STX4: variants seen among roughly 807,000 people sequenced by gnomAD.
STX4 encodes syntaxin-4.
A neutral mutation model predicts 41.8 loss-of-function variants in STX4; 24 were observed. The observed-to-expected ratio is 0.57, with a 90% CI of 0.42 to 0.81. The LOEUF is 0.81. Ranked by LOEUF, STX4 falls within the 30% of genes least tolerant of loss-of-function variation. The pLI, the probability that STX4 is intolerant of heterozygous loss-of-function variation, is 0.00. For missense variants in STX4, 316 were observed against 389.9 expected, an observed-to-expected ratio of 0.81 and a Z score of 1.60; for synonymous variants, 158 against 156.4, an observed-to-expected ratio of 1.01 and a Z score of -0.08.
chr16:31,033,292 T>C (rs2143711268), upstream of STX4: 1 of 717,632 alleles, frequency 1.4e-6, no homozygotes, highest in African/African-American at 1.7e-5. The surrounding 1 kb of genome is among the most constrained non-coding windows in gnomAD (Gnocchi z 5.5). Flanking sequence ...GGGACCGGGC[T>C]GGTCACGTGA....
chr16:31,034,431 T>A (rs2056784203), intron 3 of STX4, 31 bp from the exon 4 acceptor site: 1 of 1,598,820 alleles, frequency 6.3e-7, no homozygotes, highest in African/African-American at 1.3e-5. Flanking sequence ...TGGGGGCTGC[T>A]GTTTGGGAGT....
In STX4 at chr16:31,033,869, C is replaced by G. The variant is rs764458755; in HGVS notation, c.30+34C>G. 1 of 1,451,916 alleles carries G rather than the reference C, an allele frequency of 6.9e-7. No individual in the cohort carries two copies. Among genetic ancestry groups the G allele is most frequent in the African/African-American group, 1.4e-5 (1 of 69,956 alleles). The allele number at this position is 1,451,916 out of a possible 1,614,324, so 89.9% of individuals were successfully genotyped here. A position where few individuals can be genotyped will look rare whatever the true frequency, so the allele number is the denominator to read the frequency against. ...CCAGGGCAGCGGGGATGGGGACGGG[C>G]GGACGAACTGGAACGCAGGACTTCT... On this transcript the variant is annotated intron_variant, in intron 1 of 10. Coordinates refer to ENST00000313843, the MANE Select transcript of STX4 (RefSeq NM_004604.5). This position sits in a 1 kb window ranked among gnomAD's most constrained non-coding sequence, Gnocchi z 5.5.
intron 7 of STX4, 60 bp from the exon 8 acceptor site, chr16:31,038,450 G>C: frequency 1.2e-6 from 2 of 1,602,906 alleles, no homozygotes; most frequent in Non-Finnish European, 1.7e-6. Context: ...CTCAACAGGA[G>C]TTTCTGACCT....
At chr16:31,034,367 G>T (rs773455995) in intron 3 of STX4, 42 bp downstream of exon 3, 1 of 1,612,516 alleles carries the variant, frequency 6.2e-7, no homozygotes, top group African/African-American at 1.3e-5. Context: ...TCCGCCCCAG[G>T]GATTGTGGGG....
At position 31,033,707 on chromosome 16, in the gene STX4, G is replaced by GGGGGAGGGA; in HGVS notation, c.-92_-84dup. ...GCTCGTGGGGGTGTTGGGGTCCGCA[G>GGGGGAGGGA]GGGGAGGGAGGGGAGTGTCAGAGTG... is the stretch of plus-strand genomic sequence containing the variant. On this transcript the variant is annotated 5_prime_UTR_variant, in exon 1 of 11. Transcript: ENST00000313843. The surrounding 1 kb of genome is among the most constrained non-coding windows in gnomAD (Gnocchi z 5.5). 6.9e-7 allele frequency: 1 copy of GGGGGAGGGA among 1,446,614 alleles called. No homozygotes were observed. The highest frequency in any genetic ancestry group is 9.1e-7 in the Non-Finnish European group (1 of 1,101,308). 89.6% of individuals were successfully genotyped at this position (1,446,614 alleles called of 1,614,324 possible).
intron 5 of STX4, among the ~76,000 whole-genome samples, chr16:31,037,584 C>T (rs927055997): frequency 6.6e-6 from 1 of 151,184 alleles, no homozygotes; most frequent in Non-Finnish European, 1.5e-5. Flanking sequence ...TGCTTGAACC[C>T]GGGAGGCCAA....
intron 8 of STX4, 67 bp downstream of exon 8, chr16:31,038,714 C>T: frequency 1.3e-6 from 2 of 1,575,352 alleles, no homozygotes; most frequent in Non-Finnish European, 1.7e-6. Flanking sequence ...TCCCGCCACC[C>T]TTAGATTCTC....
rs1195578286 is a variant in STX4, at chr16:31,038,095, C to T, written c.488-19C>T. 2 of 1,614,080 alleles carry T rather than the reference C, an allele frequency of 1.2e-6. No homozygotes were observed. Among genetic ancestry groups the T allele is most frequent in the Admixed American group, 1.7e-5 (1 of 60,002 alleles). On this transcript the variant is annotated intron_variant, in intron 6 of 10. Coordinates refer to ENST00000313843, the MANE Select transcript of STX4 (RefSeq NM_004604.5). ...AGGTAATCCCAACCCAACCCTGAGC[C>T]TGGCCTTTTCCTTCACAGCCAATGC... is the stretch of plus-strand genomic sequence containing the variant.
chr16:31,038,723 T>G (rs1364566471), intron 8 of STX4, 76 bp downstream of exon 8: 1 of 1,560,622 alleles, frequency 6.4e-7, no homozygotes, highest in Non-Finnish European at 8.7e-7. Flanking sequence ...CCTTAGATTC[T>G]CTCCCTGAGG....
At chr16:31,034,765 G>A in intron 4 of STX4, 1 of 675,132 alleles carries the variant, frequency 1.5e-6, no homozygotes, top group African/African-American at 1.8e-5. Context: ...AGTTATCGCT[G>A]CCCACTGGGC....
chr16:31,037,710 T>TAAAA (rs766608613), intron 5 of STX4, among the ~76,000 whole-genome samples: 5 of 150,792 alleles, frequency 3.3e-5, no homozygotes, highest in South Asian at 2.1e-4. Flanking sequence ...AATAAATAAA[T>TAAAA]AAAAAAGATC....
At chr16:31,035,481 C>A (rs561436703) in intron 5 of STX4, among the ~76,000 whole-genome samples, 1 of 152,142 alleles carries the variant, frequency 6.6e-6, no homozygotes, top group Non-Finnish European at 1.5e-5. Context: ...CCTGCCTCGG[C>A]CTCCCAAAGT....
intron 5 of STX4, among the ~76,000 whole-genome samples, chr16:31,036,532 G>T (rs1456576548): frequency 6.6e-6 from 1 of 152,200 alleles, no homozygotes; most frequent in Non-Finnish European, 1.5e-5. Context: ...CTGTGTGCCA[G>T]ACCTTTTTGG....
chr16:31,037,445 A>G (rs2056809188), intron 5 of STX4, among the ~76,000 whole-genome samples: 1 of 150,926 alleles, frequency 6.6e-6, no homozygotes, highest in Non-Finnish European at 1.5e-5. Flanking sequence ...GTGGATCACA[A>G]GGTCAAGAGA....
chr16:31,033,255 G>C, upstream of STX4: 1 of 684,666 alleles, frequency 1.5e-6, no homozygotes, highest in Non-Finnish European at 2.7e-6. This position sits in a 1 kb window ranked among gnomAD's most constrained non-coding sequence, Gnocchi z 5.5. Context: ...GACAGTCACA[G>C]GGTCACATTC....
chr16:31,033,291 C>G (rs1015306125), upstream of STX4: 4 of 716,270 alleles, frequency 5.6e-6, no homozygotes, highest in African/African-American at 5.2e-5. This position sits in a 1 kb window ranked among gnomAD's most constrained non-coding sequence, Gnocchi z 5.5. Context: ...TGGGACCGGG[C>G]TGGTCACGTG....
rs1009731227 is a variant in STX4, at chr16:31,037,988, A to G, written c.441A>G (p.Glu147=). 2 of 1,614,174 alleles carry G rather than the reference A, an allele frequency of 1.2e-6. No individual in the cohort carries two copies. Among genetic ancestry groups the G allele is most frequent in the Non-Finnish European group, 1.7e-6 (2 of 1,180,030 alleles). The part of the protein sequence containing the change: ...LINKCNSMQS[E]YREKNVERIR... ...ACAAGTGCAATTCAATGCAGTCCGA[A>G]TACCGGGAGAAGAACGTGGAGCGGA... The change falls in exon 6 of 11, where the codon GAA becomes GAG. Residue 147 remains glutamate (E), a synonymous_variant. Coordinates refer to ENST00000313843, the MANE Select transcript of STX4 (RefSeq NM_004604.5).
At chr16:31,035,460 C>T (rs1376470711) in intron 5 of STX4, among the ~76,000 whole-genome samples, 1 of 152,166 alleles carries the variant, frequency 6.6e-6, no homozygotes, top group Non-Finnish European at 1.5e-5. Context: ...CTCCTGACCT[C>T]AGGTGACCCT....
chr16:31,033,794 G>A lies in STX4; in HGVS notation c.-12G>A, dbSNP rs1485846862. On this transcript the variant is annotated 5_prime_UTR_variant, in exon 1 of 11. Transcript: ENST00000313843. The surrounding 1 kb of genome is among the most constrained non-coding windows in gnomAD (Gnocchi z 5.5). Reference sequence around the variant, plus strand: ...CCGGCTCTGGCGCCGGGGAGGGAGAGCTCAGGCCGCCATGCGGGACAGGAC... The same window carrying A: ...CCGGCTCTGGCGCCGGGGAGGGAGAACTCAGGCCGCCATGCGGGACAGGAC... 7.6e-6 allele frequency: 11 copies of A among 1,452,502 alleles called. No individual in the cohort carries two copies. The highest frequency in any genetic ancestry group is 1.0e-5 in the Non-Finnish European group (11 of 1,100,344). 90.0% of individuals were successfully genotyped at this position (1,452,502 alleles called of 1,614,324 possible). A position where few individuals can be genotyped will look rare whatever the true frequency, so the allele number is the denominator to read the frequency against.
Sources: allele counts gnomAD v4.1 joint callset (sites outside exome capture counted in the v4.1 genomes callset), GRCh38; gene constraint gnomAD v4.1.1; non-coding constraint Gnocchi (gnomAD v3.1); transcripts MANE v1.5; gene names NCBI Gene and HGNC (gene_info 2026-07-23, HGNC 2026-07-21).